CPEB1: variants seen among roughly 807,000 people sequenced by gnomAD.
The protein encoded by CPEB1 is cytoplasmic polyadenylation element binding protein 1, also known as cytoplasmic polyadenylation element-binding protein 1.
Under a neutral mutation model 65.8 loss-of-function variants are expected in CPEB1, and 7 were observed. That is an observed-to-expected ratio of 0.11 (90% confidence interval 0.06 to 0.20). The LOEUF (loss-of-function observed/expected upper bound fraction) is 0.20. CPEB1 is among the 10% of genes least tolerant of loss of function. The pLI is 1.00. For synonymous variants in CPEB1, 262 were observed against 260.0 expected (o/e 1.01, Z -0.08); for missense variants, 551 against 712.2 (o/e 0.77, Z 2.58).
intron 3 of CPEB1, among the ~76,000 whole-genome samples, chr15:82,578,340 G>A (rs763435881): frequency 6.6e-6 from 1 of 152,062 alleles, no homozygotes; most frequent in Non-Finnish European, 1.5e-5. Context: ...AATAATACAT[G>A]ACTAATTTTT....
chr15:82,568,408 G>T (rs1427906786), intron 4 of CPEB1, among the ~76,000 whole-genome samples: 2 of 152,046 alleles, frequency 1.3e-5, no homozygotes, highest in South Asian at 2.1e-4. Context: ...TGAGAAAAAC[G>T]CACTTATAAC....
At chr15:82,604,739 C>T (rs1389131318) in intron 3 of CPEB1, among the ~76,000 whole-genome samples, 2 of 151,996 alleles carry the variant, frequency 1.3e-5, no homozygotes, top group Non-Finnish European at 2.9e-5. Context: ...AGTCTGAGGA[C>T]AAGAAACTAC....
At chr15:82,626,697 A>G (rs1329906646) in intron 3 of CPEB1, among the ~76,000 whole-genome samples, 1 of 152,206 alleles carries the variant, frequency 6.6e-6, no homozygotes, top group Non-Finnish European at 1.5e-5. Flanking sequence ...TACACTGTCC[A>G]GTGCAGTAGC....
chr15:82,610,745 G>A (rs1317984845), intron 3 of CPEB1, among the ~76,000 whole-genome samples: 1 of 151,558 alleles, frequency 6.6e-6, no homozygotes, highest in Admixed American at 6.6e-5. Flanking sequence ...ATCACCTGAG[G>A]TCAGGAGTTG....
chr15:82,642,826 T>G (rs2047215692), intron 1 of CPEB1, among the ~76,000 whole-genome samples: 1 of 152,210 alleles, frequency 6.6e-6, no homozygotes, highest in African/African-American at 2.4e-5. Context: ...AATAATTTGT[T>G]ATTTGATCCC....
At chr15:82,632,858 T>C (rs900323655) in intron 1 of CPEB1, among the ~76,000 whole-genome samples, 7 of 152,130 alleles carry the variant, frequency 4.6e-5, no homozygotes, top group African/African-American at 1.4e-4. Context: ...CGTCCAGTTA[T>C]ATGAATTCAT....
chr15:82,551,594 C>CT (rs1567169020), intron 9 of CPEB1, among the ~76,000 whole-genome samples: 2 of 152,142 alleles, frequency 1.3e-5, no homozygotes, highest in Admixed American at 6.5e-5. Flanking sequence ...AACCACTGAT[C>CT]TTTTTTACTA....
chr15:82,566,160 T>A (rs1185399579), intron 4 of CPEB1, among the ~76,000 whole-genome samples: 5 of 152,190 alleles, frequency 3.3e-5, no homozygotes, highest in Non-Finnish European at 7.3e-5. Flanking sequence ...ATGGCAGCAT[T>A]AGCAATGGCA....
At chr15:82,647,775 G>C (rs182071420), upstream of CPEB1, 4 of 1,192,970 alleles carry the variant, frequency 3.4e-6, no homozygotes, top group East Asian at 6.8e-5. Context: ...GTACCGCGGC[G>C]CCGGACCCGG....
intron 1 of CPEB1, among the ~76,000 whole-genome samples, chr15:82,645,792 C>T (rs1319197853): frequency 6.6e-6 from 1 of 151,936 alleles, no homozygotes; most frequent in African/African-American, 2.4e-5. Flanking sequence ...CGCTTGAACC[C>T]GGGAGGCGGA....
chr15:82,571,569 T>G (rs759995852), intron 3 of CPEB1, 37 bp from the exon 4 acceptor site: 1 of 1,586,204 alleles, frequency 6.3e-7, no homozygotes, highest in South Asian at 1.2e-5. Context: ...ACCTCAGAGT[T>G]AAGGGCTGTT....
chr15:82,549,721 C>T (rs1426113005), intron 9 of CPEB1, 63 bp from the exon 10 acceptor site: 21 of 1,471,236 alleles, frequency 1.4e-5, no homozygotes, highest in African/African-American at 5.6e-5. Flanking sequence ...GGTGCTTGCA[C>T]GGCAAGGTAC....
intron 10 of CPEB1, 136 bp from the exon 11 acceptor site, chr15:82,547,373 T>C (rs1166584416): frequency 1.2e-5 from 7 of 561,438 alleles, no homozygotes; most frequent in Non-Finnish European, 1.9e-5. Flanking sequence ...CTCTGCTCAC[T>C]GCAAGCTCTG....
At chr15:82,645,117 T>C (rs1265161790) in intron 1 of CPEB1, among the ~76,000 whole-genome samples, 8 of 151,982 alleles carry the variant, frequency 5.3e-5, no homozygotes. Context: ...GACCAGGGAG[T>C]TGTTTACAAG....
intron 3 of CPEB1, among the ~76,000 whole-genome samples, chr15:82,589,019 C>T (rs975914572): frequency 6.6e-6 from 1 of 152,200 alleles, no homozygotes; most frequent in East Asian, 1.9e-4. Context: ...CCCCATTCCC[C>T]GCAATCGTCT....
intron 3 of CPEB1, among the ~76,000 whole-genome samples, chr15:82,601,796 G>A (rs528991052): frequency 8.3e-4 from 117 of 141,016 alleles, no homozygotes; most frequent in Non-Finnish European, 1.6e-3. Context: ...CATAAGTATC[G>A]AGAGATCAAT....
chr15:82,598,510 C>T (rs567840575), intron 3 of CPEB1, among the ~76,000 whole-genome samples: 3 of 149,824 alleles, frequency 2.0e-5, no homozygotes, highest in South Asian at 2.1e-4. Context: ...ACAGGCTGGG[C>T]GCAGTGGTTC....
At chr15:82,606,046 A>G (rs2043555248) in intron 3 of CPEB1, among the ~76,000 whole-genome samples, 1 of 152,222 alleles carries the variant, frequency 6.6e-6, no homozygotes, top group Non-Finnish European at 1.5e-5. Flanking sequence ...CTCAAAAAAA[A>G]AGACATATTT....
At chr15:82,589,265 C>A (rs1188130261) in intron 3 of CPEB1, among the ~76,000 whole-genome samples, 2 of 152,260 alleles carry the variant, frequency 1.3e-5, no homozygotes, top group Non-Finnish European at 1.5e-5. Flanking sequence ...AATACTCCTG[C>A]TCTGGCCTTA....
Sources: allele counts gnomAD v4.1 joint callset (sites outside exome capture counted in the v4.1 genomes callset), GRCh38; gene constraint gnomAD v4.1.1; transcripts MANE v1.5; gene names NCBI Gene and HGNC (gene_info 2026-07-23, HGNC 2026-07-21).